Variants in NCAPH2 observed in about 807,000 individuals in gnomAD.
The protein encoded by NCAPH2 is condensin-2 complex subunit H2.
A neutral mutation model predicts 88.6 loss-of-function variants in NCAPH2; 56 were observed. The observed-to-expected ratio is 0.63, with a 90% confidence interval of 0.51 to 0.79. The LOEUF is 0.79. Among genes scored for constraint, NCAPH2 ranks in the 30% least tolerant of loss-of-function variants. The probability of loss-of-function intolerance (pLI) is 0.00; values close to 1 mark genes in which losing one functional copy is unlikely to be tolerated. For synonymous variants in NCAPH2, 378 were observed against 313.6 expected (o/e 1.21, Z -2.17); for missense variants, 794 against 792.0 (o/e 1.00, Z -0.03).
chr22:50,508,456 C>A lies in NCAPH2; in HGVS notation c.108+11C>A. ...GAGTATCTGGAGGAGGTAAGGGCGGCGGGGGAGTGACGCGGGGTGGGCCGG... is the reference window on the plus strand; with the variant it reads ...GAGTATCTGGAGGAGGTAAGGGCGGAGGGGGAGTGACGCGGGGTGGGCCGG... On this transcript the variant is annotated intron_variant, in intron 1 of 19. Coordinates refer to ENST00000420993, the MANE Select transcript of NCAPH2 (RefSeq NM_152299.4). 1 of 172,350 alleles carries A rather than the reference C, an allele frequency of 5.8e-6. No homozygotes were observed. The highest frequency in any genetic ancestry group is 9.8e-6 in the Non-Finnish European group (1 of 101,566). 10.7% of individuals were successfully genotyped at this position (172,350 alleles called of 1,614,324 possible).
rs908963512 is a variant in NCAPH2, at chr22:50,524,140, G to A, written c.*765G>A. 2 of 1,611,964 alleles carry A rather than the reference G, an allele frequency of 1.2e-6. No homozygotes were observed. The highest frequency in any genetic ancestry group is 2.7e-5 in the African/African-American group (2 of 74,946). On this transcript the variant is annotated 3_prime_UTR_variant, in exon 20 of 20. Transcript: ENST00000420993. ...CACAGCTGCCTGGCGCAGGGCTTCT[G>A]TTCGCTTTTGCTGCTGCAGCCTCTC...
intron 5 of NCAPH2, 67 bp downstream of exon 5, chr22:50,517,876 C>G (rs1603441099): frequency 6.2e-7 from 1 of 1,604,718 alleles, no homozygotes; most frequent in Non-Finnish European, 8.5e-7. Context: ...CTGTGTTGAG[C>G]TGATGGGGTG....
At position 50,518,027 on chromosome 22, in the gene NCAPH2, G is replaced by C. The variant is rs2068977037; in HGVS notation, c.475G>C (p.Glu159Gln). ...PMALVAPDEM[E>Q]KNNNPLYSRQ... Reference sequence around the variant, plus strand: ...GGCCCTGGTGGCCCCTGATGAAATGGAGAAGAACAACAATCCCCTGTACAG... The same window carrying C: ...GGCCCTGGTGGCCCCTGATGAAATGCAGAAGAACAACAATCCCCTGTACAG... Residue 159 changes from glutamate (E) to glutamine (Q), a missense_variant, in exon 6 of 20, where the codon GAG (glutamate) becomes CAG (glutamine). This residue lies in a region of NCAPH2 where 735 missense variants were observed against 696.3 expected (regional missense o/e 1.06). Transcript: ENST00000420993. 6.2e-7 allele frequency: 1 copy of C among 1,613,958 alleles called. No individual in the cohort carries two copies. The highest frequency in any genetic ancestry group is 1.3e-5 in the African/African-American group (1 of 74,918).
chr22:50,523,635 C>T lies in NCAPH2; in HGVS notation c.*260C>T, dbSNP rs375632322. ...CTCAAGACAGGACACTGCGGAAAGC[C>T]GCCATGTGCCGCCGCACACTGTCTG... On this transcript the variant is annotated 3_prime_UTR_variant, in exon 20 of 20. Coordinates refer to ENST00000420993, the MANE Select transcript of NCAPH2 (RefSeq NM_152299.4). 59 of 1,613,732 alleles carry T rather than the reference C, an allele frequency of 3.7e-5. No homozygotes were observed. The highest frequency in any genetic ancestry group is 3.4e-4 in the Middle Eastern group (2 of 5,928).
At chr22:50,518,375 GGA>G (rs1281543624) in intron 7 of NCAPH2, 97 bp downstream of exon 7, 2 of 1,508,884 alleles carry the variant, frequency 1.3e-6, no homozygotes, top group African/African-American at 2.8e-5. Flanking sequence ...TCTGGTCTTG[GGA>G]GCTCCCTGTC....
At chr22:50,521,454 G>T in intron 10 of NCAPH2, 89 bp from the exon 11 acceptor site, 1 of 1,360,376 alleles carries the variant, frequency 7.4e-7, no homozygotes, top group South Asian at 1.2e-5. Flanking sequence ...CTCTTCCTTT[G>T]GGAGGGTGGC....
Position 50,523,745 on chromosome 22 carries a change from C to A in NCAPH2, c.*370C>A. The A allele has an allele frequency of 6.2e-7, 1 of 1,614,166 alleles. No individual in the cohort carries two copies. The highest frequency in any genetic ancestry group is 1.1e-5 in the South Asian group (1 of 91,084). ...AGCAGGTAGATGGCAATGGAGTGGTCCACGATGTAGTCCTGGTCCTCATCC... is the reference window on the plus strand; with the variant it reads ...AGCAGGTAGATGGCAATGGAGTGGTACACGATGTAGTCCTGGTCCTCATCC... On this transcript the variant is annotated 3_prime_UTR_variant, in exon 20 of 20. Coordinates refer to ENST00000420993, the MANE Select transcript of NCAPH2 (RefSeq NM_152299.4).
rs2069178417 is a variant in NCAPH2 at position 50,523,423 on chromosome 22, T to C, written c.*48T>C. ...TGGGGGAATGTGTACTGAGGAGCCGTGTGTCTGCTCCTGGCTGGCCCGGCC... is the reference window on the plus strand; with the variant it reads ...TGGGGGAATGTGTACTGAGGAGCCGCGTGTCTGCTCCTGGCTGGCCCGGCC... On this transcript the variant is annotated 3_prime_UTR_variant, in exon 20 of 20. Coordinates refer to ENST00000420993, the MANE Select transcript of NCAPH2 (RefSeq NM_152299.4). 2.0e-6 allele frequency: 3 copies of C among 1,526,106 alleles called. No homozygotes were observed. Among genetic ancestry groups the C allele is most frequent in the Non-Finnish European group, 1.8e-6 (2 of 1,135,698 alleles). 94.5% of individuals were successfully genotyped at this position (1,526,106 alleles called of 1,614,324 possible). A position where few individuals can be genotyped will look rare whatever the true frequency, so the allele number is the denominator to read the frequency against.
rs1388884805 is a variant in NCAPH2 at position 50,524,260 on chromosome 22, T to G, written c.*885T>G. On this transcript the variant is annotated 3_prime_UTR_variant, in exon 20 of 20. Coordinates refer to ENST00000420993, the MANE Select transcript of NCAPH2 (RefSeq NM_152299.4). Reference sequence around the variant, plus strand: ...GGTTCGAAGCCCAGGGCCCTGGGGCTGGCCCTGCCCACCTGTCTCTGCAGG... The same window carrying G: ...GGTTCGAAGCCCAGGGCCCTGGGGCGGGCCCTGCCCACCTGTCTCTGCAGG... The G allele has an allele frequency of 3.7e-6, 6 of 1,604,770 alleles. No individual in the cohort carries two copies. Among genetic ancestry groups the G allele is most frequent in the Non-Finnish European group, 5.1e-6 (6 of 1,179,780 alleles).
Position 50,517,784 on chromosome 22 carries a change from A to G in NCAPH2, c.395A>G (p.Asp132Gly), listed in dbSNP as rs373230081. The change falls in exon 5 of 20, where the codon GAT becomes GGT. Residue 132 changes from aspartate to glycine, a missense_variant. Around this residue, in one of 2 missense-constraint regions of NCAPH2, gnomAD observed 735 missense variants for 696.3 expected, o/e 1.06. Transcript: ENST00000420993. The part of the protein sequence containing the change: ...DDFPDSRTNV[D>G]LKNDQTPSEV... ...TTCCCTGACTCCCGGACTAACGTGG[A>G]TCTCAAGAATGATCAGACGCCCAGT... The G allele has an allele frequency of 6.2e-7, 1 of 1,613,898 alleles. No homozygotes were observed. The highest frequency in any genetic ancestry group is 8.5e-7 in the Non-Finnish European group (1 of 1,180,016).
intron 4 of NCAPH2, 38 bp downstream of exon 4, chr22:50,517,699 G>T: frequency 6.2e-7 from 1 of 1,614,124 alleles, no homozygotes. Flanking sequence ...CCCACTGTGT[G>T]TTTGCCTGGG....
In NCAPH2 at chr22:50,517,749, G is replaced by T. The variant is rs142921052; in HGVS notation, c.360G>T (p.Ser120=). The change falls in exon 5 of 20, where the codon TCG becomes TCT. Residue 120 remains serine (S), a synonymous_variant. Coordinates refer to ENST00000420993, the MANE Select transcript of NCAPH2 (RefSeq NM_152299.4). The part of the protein sequence containing the change: ...VPQEAENEFL[S]LDDFPDSRTN... ...GCTCTGTCTCCCTCCAGTTCCTGTC[G>T]CTGGATGACTTCCCTGACTCCCGGA... 5.0e-6 allele frequency: 8 copies of T among 1,614,014 alleles called. No individual in the cohort carries two copies. Among genetic ancestry groups the T allele is most frequent in the Non-Finnish European group, 6.8e-6 (8 of 1,180,032 alleles).
intron 9 of NCAPH2, chr22:50,519,802 A>G (rs2069034915): frequency 2.1e-6 from 2 of 942,406 alleles, no homozygotes; most frequent in Non-Finnish European, 2.5e-6. Context: ...GGTAGATGGC[A>G]TGGATATTTG....
chr22:50,519,370 C>A, intron 9 of NCAPH2, 50 bp downstream of exon 9: 1 of 1,604,396 alleles, frequency 6.2e-7, no homozygotes, highest in Non-Finnish European at 8.5e-7. Flanking sequence ...ACTGGCAACC[C>A]TGGCTCTGGG....
At chr22:50,519,022 C>A (rs2069006671) in intron 8 of NCAPH2, among the ~76,000 whole-genome samples, 168 bp from the exon 9 acceptor site, 1 of 152,066 alleles carries the variant, frequency 6.6e-6, no homozygotes, top group African/African-American at 2.4e-5. Context: ...TAAAATGAAC[C>A]AAGCAGAGCA....
intron 1 of NCAPH2, among the ~76,000 whole-genome samples, chr22:50,509,735 C>T (rs1376645851): frequency 6.6e-6 from 1 of 152,180 alleles, no homozygotes; most frequent in African/African-American, 2.4e-5. Flanking sequence ...CCCTCAGTGG[C>T]TTTCCATTAT....
chr22:50,524,011 G>C lies in NCAPH2; in HGVS notation c.*636G>C. 2 of 1,613,412 alleles carry C rather than the reference G, an allele frequency of 1.2e-6. No homozygotes were observed. Among genetic ancestry groups the C allele is most frequent in the Non-Finnish European group, 1.7e-6 (2 of 1,179,994 alleles). ...CTCCAGCTCGTCTGGGCAGATGTCA[G>C]GGCAGTGAGTGAAGCCAAAGTACAT... On this transcript the variant is annotated 3_prime_UTR_variant, in exon 20 of 20. Transcript: ENST00000420993.
In NCAPH2 at chr22:50,524,281, G is replaced by A. The variant is rs1293913720; in HGVS notation, c.*906G>A. On this transcript the variant is annotated 3_prime_UTR_variant, in exon 20 of 20. Transcript: ENST00000420993. ...GGGCTGGCCCTGCCCACCTGTCTCT[G>A]CAGGGCCCTGCCTTGACAAAAGCCA... is the stretch of plus-strand genomic sequence containing the variant. The A allele has an allele frequency of 1.2e-6, 2 of 1,603,554 alleles. No homozygotes were observed. The highest frequency in any genetic ancestry group is 1.7e-6 in the Non-Finnish European group (2 of 1,179,788).
At chr22:50,519,450 C>G in intron 9 of NCAPH2, 130 bp downstream of exon 9, 1 of 1,461,292 alleles carries the variant, frequency 6.8e-7, no homozygotes, top group Non-Finnish European at 9.0e-7. Flanking sequence ...GGGGCAGAAG[C>G]CCACCTGTCT....
Sources: allele counts gnomAD v4.1 joint callset (sites outside exome capture counted in the v4.1 genomes callset), GRCh38; gene constraint gnomAD v4.1.1; regional missense constraint gnomAD v4.1.1; transcripts MANE v1.5; gene names NCBI Gene and HGNC (gene_info 2026-07-23, HGNC 2026-07-21).